Variants in ZNF229 observed in about 807,000 individuals in gnomAD.
The protein encoded by ZNF229 is zinc finger protein 229.
In ZNF229, 10 loss-of-function variants were observed where a neutral mutation model predicts 11.8. The observed-to-expected ratio is 0.85, with a 90% confidence interval of 0.52 to 1.44. The LOEUF is 1.44. ZNF229 is among the 40% of genes most tolerant of loss of function. ZNF229 has a pLI of 0.00. For synonymous variants in ZNF229, 368 were observed against 374.8 expected (o/e 0.98, Z 0.21); for missense variants, 1,045 against 1,015.1 (o/e 1.03, Z -0.40).
At chr19:44,446,026 T>G (rs1273411556) in intron 2 of ZNF229, among the ~76,000 whole-genome samples, 2 of 152,182 alleles carry the variant, frequency 1.3e-5, no homozygotes, top group African/African-American at 4.8e-5. Flanking sequence ...TAGGTGGAAA[T>G]CAGCAGCCAT....
At position 44,428,281 on chromosome 19, in the gene ZNF229, A is replaced by G; in HGVS notation, c.*22T>C. The G allele has an allele frequency of 6.4e-7, 1 of 1,570,126 alleles. No individual in the cohort carries two copies. Among genetic ancestry groups the G allele is most frequent in the South Asian group, 1.2e-5 (1 of 83,670 alleles). ...AGATGGATAGAAAGCTCTGAGTCCC[A>G]GATGGAATCCTCTATGTACATCTAC... On this transcript the variant is annotated 3_prime_UTR_variant, in exon 6 of 6. Transcript: ENST00000614049.
intron 4 of ZNF229, among the ~76,000 whole-genome samples, chr19:44,437,799 G>A (rs576499594): frequency 1.3e-5 from 2 of 152,152 alleles, no homozygotes; most frequent in African/African-American, 4.8e-5. Flanking sequence ...AAAATAGAAT[G>A]AGATCATATC....
Position 44,430,295 on chromosome 19 carries a change from C to T in ZNF229, c.486G>A (p.Gly162=), listed in dbSNP as rs761200046. The change falls in exon 6 of 6, where the codon GGG becomes GGA. Residue 162 remains glycine (G), a synonymous_variant. Transcript: ENST00000614049. The stretch of plus-strand genomic sequence containing the variant: ...GATTTTCTAGACCGATAAGCCCATC[C>T]CCTTGTAGACTGTCCAGGAAATTCT... ...PIENFLDSLQ[G]DGLIGLENQQ... 18 of 1,613,946 alleles carry T rather than the reference C, an allele frequency of 1.1e-5. No homozygotes were observed. In the Admixed American group the frequency reaches 1.3e-4, roughly 12 times the overall value.
chr19:44,434,663 C>T (rs1971781328), intron 4 of ZNF229, among the ~76,000 whole-genome samples: 1 of 152,222 alleles, frequency 6.6e-6, no homozygotes, highest in African/African-American at 2.4e-5. Context: ...CAGAATTATA[C>T]TTTGCCTTCA....
Position 44,430,533 on chromosome 19 carries a change from T to C in ZNF229, c.248A>G (p.Asn83Ser). 2.5e-6 allele frequency: 4 copies of C among 1,612,416 alleles called. No individual in the cohort carries two copies. The highest frequency in any genetic ancestry group is 1.3e-5 in the African/African-American group (1 of 74,894). Reference sequence around the variant, plus strand: ...TTGAATATACTCCGTATCCTTTCCATTCTTGTCTCCTATGAGGTTAAAGAC... The same window carrying C: ...TTGAATATACTCCGTATCCTTTCCACTCTTGTCTCCTATGAGGTTAAAGAC... ...VGERNPLGDKNGKDTEYIQDE... is the reference protein window; with the variant it reads ...VGERNPLGDKSGKDTEYIQDE... The change falls in exon 6 of 6, where the codon AAT becomes AGT. Residue 83 changes from asparagine to serine, a missense_variant. Coordinates refer to ENST00000614049, the MANE Select transcript of ZNF229 (RefSeq NM_014518.4).
At chr19:44,437,957 GGCCT>G (rs1971842132) in intron 4 of ZNF229, among the ~76,000 whole-genome samples, 1 of 152,140 alleles carries the variant, frequency 6.6e-6, no homozygotes. Context: ...CAGACACAGA[GGCCT>G]ACTTGAGAGT....
intron 4 of ZNF229, among the ~76,000 whole-genome samples, chr19:44,442,231 C>T (rs757887636): frequency 2.4e-4 from 36 of 152,194 alleles, no homozygotes; most frequent in Admixed American, 2.0e-3. Context: ...ACCCAGGCAG[C>T]GATGATTCAG....
At chr19:44,436,474 T>G (rs1971816064) in intron 4 of ZNF229, among the ~76,000 whole-genome samples, 1 of 152,042 alleles carries the variant, frequency 6.6e-6, no homozygotes, top group Admixed American at 6.6e-5. Flanking sequence ...TAATCAAATT[T>G]CTAAATTTCA....
Position 44,438,084 on chromosome 19 carries a change from T to C in ZNF229, c.93+4479A>G, listed in dbSNP as rs142353626. Among the ~76,000 whole-genome samples, 1,235 of 152,236 alleles carry C rather than the reference T, an allele frequency of 8.1e-3. 16 individuals are homozygous for C. Among genetic ancestry groups the C allele is most frequent in the Middle Eastern group, 0.024 (7 of 294 alleles). On this transcript the variant is annotated intron_variant, in intron 4 of 5. Coordinates refer to ENST00000614049, the MANE Select transcript of ZNF229 (RefSeq NM_014518.4). Reference sequence around the variant, plus strand: ...ACCCCCATGCCATGCAATTCACCTATATAACAAACCTGCCTATGTACCCTG... The same window carrying C: ...ACCCCCATGCCATGCAATTCACCTACATAACAAACCTGCCTATGTACCCTG...
intron 5 of ZNF229, chr19:44,431,806 C>G: frequency 2.0e-6 from 2 of 989,200 alleles, no homozygotes; most frequent in Non-Finnish European, 2.4e-6. Context: ...TCTGTTACCC[C>G]AGTCTTCAAA....
rs534256832 is a variant in ZNF229, at chr19:44,437,489, A to G, written c.93+5074T>C. On this transcript the variant is annotated intron_variant, in intron 4 of 5. Transcript: ENST00000614049. ...GCAACAAACGCTGGCAAGGTTGTGG[A>G]GAAAAAAGAACATTTATACACTGCT... Among the ~76,000 whole-genome samples, 444 of 152,332 alleles carry G rather than the reference A, an allele frequency of 2.9e-3. 2 individuals are homozygous for G. The highest frequency in any genetic ancestry group is 9.7e-3 in the African/African-American group (405 of 41,576).
Position 44,428,468 on chromosome 19 carries a change from C to A in ZNF229, c.2313G>T (p.Glu771Asp). 6.2e-7 allele frequency: 1 copy of A among 1,613,264 alleles called. No homozygotes were observed. Among genetic ancestry groups the A allele is most frequent in the East Asian group, 2.2e-5 (1 of 44,756 alleles). The part of the protein sequence containing the change: ...VHTGEKPYKC[E>D]ECGKGFGRNS... ...TGCGGCCAAAGCCCTTCCCACACTCCTCACATTTATAGGGTTTCTCACCAG... is the reference window on the plus strand; with the variant it reads ...TGCGGCCAAAGCCCTTCCCACACTCATCACATTTATAGGGTTTCTCACCAG... Residue 771 changes from glutamate to aspartate, a missense_variant, in exon 6 of 6, where the codon GAG becomes GAT. By Grantham distance (45) the Glu-to-Asp change is conservative (BLOSUM62 2). Transcript: ENST00000614049.
Position 44,428,408 on chromosome 19 carries a change from A to G in ZNF229, c.2373T>C (p.Thr791=). 1.2e-6 allele frequency: 2 copies of G among 1,613,862 alleles called. No individual in the cohort carries two copies. The highest frequency in any genetic ancestry group is 1.7e-6 in the Non-Finnish European group (2 of 1,179,962). Residue 791 remains threonine, a synonymous_variant, in exon 6 of 6, where the codon ACT becomes ACC. Transcript: ENST00000614049. ...CACCACACGTATAGGGCTTCTCTCC[A>G]GTGTGGACTCTCTGATGAACATGAA... ...SCLHVHQRVH[T]GEKPYTCGVC... is the part of the protein sequence containing the mutation.
chr19:44,427,932 T>A lies in ZNF229; in HGVS notation c.*371A>T. The A allele has an allele frequency of 5.4e-6, 1 of 185,540 alleles. No individual in the cohort carries two copies. Among genetic ancestry groups the A allele is most frequent in the Non-Finnish European group, 1.1e-5 (1 of 88,054 alleles). The allele number at this position is 185,540 out of a possible 1,614,324, so 11.5% of individuals were successfully genotyped here. A position where few individuals can be genotyped will look rare whatever the true frequency, so the allele number is the denominator to read the frequency against. ...GTTTCTACACTGTCCCATTGGTAGC[T>A]ATCAACCCACACAAAGAATCTATGT... On this transcript the variant is annotated 3_prime_UTR_variant, in exon 6 of 6. Transcript: ENST00000614049.
chr19:44,438,850 G>A (rs1436642698), intron 4 of ZNF229, among the ~76,000 whole-genome samples: 1 of 152,194 alleles, frequency 6.6e-6, no homozygotes, highest in African/African-American at 2.4e-5. Context: ...TTTGCCCCAT[G>A]CATCTCTTCA....
chr19:44,432,292 C>CCT lies in ZNF229; in HGVS notation c.166_167dup (p.Gln57GlyfsTer7). 1 of 1,613,974 alleles carries CCT rather than the reference C, an allele frequency of 6.2e-7. No homozygotes were observed. Among genetic ancestry groups the CCT allele is most frequent in the East Asian group, 2.2e-5 (1 of 44,884 alleles). ...CCTGCATCACATCTTGGTACAGCTGCCTCTGGGTAGAGTCCAGCAGCTCTA... is the reference window on the plus strand; with the variant it reads ...CCTGCATCACATCTTGGTACAGCTGCCTCTCTGGGTAGAGTCCAGCAGCTCTA... On this transcript the variant is annotated frameshift_variant, in exon 5 of 6. Transcript: ENST00000614049. LOFTEE classifies it high-confidence loss of function.
At position 44,432,269 on chromosome 19, in the gene ZNF229, T is replaced by G; in HGVS notation, c.191A>C (p.Gln64Pro). 1 of 1,613,952 alleles carries G rather than the reference T, an allele frequency of 6.2e-7. No individual in the cohort carries two copies. Among genetic ancestry groups the G allele is most frequent in the African/African-American group, 1.3e-5 (1 of 74,960 alleles). ...TGAGAGTAGGTTCCTGAAATTCTCC[T>G]GCATCACATCTTGGTACAGCTGCCT... Reference protein sequence around the residue: ...TQRQLYQDVMQENFRNLLSVG... With the variant: ...TQRQLYQDVMPENFRNLLSVG... Residue 64 changes from glutamine (Q) to proline (P), a missense_variant, in exon 5 of 6, where the codon CAG (glutamine) becomes CCG (proline). Gln to Pro is a moderately conservative substitution (Grantham distance 76). Transcript: ENST00000614049.
At chr19:44,444,259 A>G (rs1429969031) in intron 2 of ZNF229, among the ~76,000 whole-genome samples, 1 of 152,144 alleles carries the variant, frequency 6.6e-6, no homozygotes, top group Admixed American at 6.5e-5. Flanking sequence ...TTGAAATTCA[A>G]GTCTCAAGGT....
chr19:44,428,708 C>G lies in ZNF229; in HGVS notation c.2073G>C (p.Lys691Asn), dbSNP rs748597169. The part of the protein sequence containing the change: ...KKPYTCDQCG[K>N]GFSYGSNLRT... Reference sequence around the variant, plus strand: ...GAAGATTAGAGCCATAACTGAATCCCTTGCCACACTGATCACACGTATAGG... The same window carrying G: ...GAAGATTAGAGCCATAACTGAATCCGTTGCCACACTGATCACACGTATAGG... Residue 691 changes from lysine (K) to asparagine (N), a missense_variant, in exon 6 of 6, where the codon AAG becomes AAC. By Grantham distance (94) the Lys-to-Asn change is moderately conservative. Coordinates refer to ENST00000614049, the MANE Select transcript of ZNF229 (RefSeq NM_014518.4). The G allele has an allele frequency of 3.1e-6, 5 of 1,613,722 alleles. No homozygotes were observed. The highest frequency in any genetic ancestry group is 4.2e-6 in the Non-Finnish European group (5 of 1,179,956).
Sources: gnomAD v4.1 joint callset for allele counts (sites outside exome capture counted in the v4.1 genomes callset) on GRCh38, gnomAD v4.1.1 for gene constraint, MANE v1.5 for transcripts, NCBI Gene and HGNC (gene_info 2026-07-23, HGNC 2026-07-21) for gene names.